The following AGBL1 variants were observed in gnomAD, a reference collection of about 807,000 sequenced individuals.
AGBL1 encodes the protein cytosolic carboxypeptidase 4.
AGBL1 carries 130 observed loss-of-function variants against 118.9 expected under a neutral mutation model. The ratio of observed to expected loss-of-function variants is 1.09; its 90% CI spans 0.95 to 1.26. The LOEUF is 1.26. Ranked by LOEUF, AGBL1 falls within the 50% of genes most tolerant of loss-of-function variation. The pLI is 0.00. For synonymous variants in AGBL1, 555 were observed against 478.9 expected, an observed-to-expected ratio of 1.16 and a Z score of -2.08; for missense variants, 1,584 against 1,298.1, an observed-to-expected ratio of 1.22 and a Z score of -3.38.
intron 17 of AGBL1, among the ~76,000 whole-genome samples, chr15:86,360,798 T>G (rs555788809): frequency 1.2e-4 from 19 of 152,144 alleles, no homozygotes; most frequent in South Asian, 2.1e-4. Flanking sequence ...TTTATCAATT[T>G]TGTTGGTATA....
In AGBL1 at chr15:86,979,023, G is replaced by A. The variant is rs185939779; in HGVS notation, c.3222-8964G>A. Among the ~76,000 whole-genome samples the A allele has an allele frequency of 2.4e-3, 363 of 152,246 alleles. 5 individuals carry two copies. The highest frequency in any genetic ancestry group is 7.5e-4 in the Non-Finnish European group (51 of 68,014). On this transcript the variant is annotated intron_variant, in intron 23 of 24. Coordinates refer to the AGBL1 transcript ENST00000441037. The stretch of plus-strand genomic sequence containing the variant: ...CATTCTGGAACTGGTGAAGGCACAG[G>A]CTTCAGAAAACCTGTATCCTATTCA...
chr15:86,365,004 TATATACACACAC>T (rs2080864676), intron 17 of AGBL1, among the ~76,000 whole-genome samples: 1 of 137,764 alleles, frequency 7.3e-6, no homozygotes, highest in African/African-American at 2.9e-5. Flanking sequence ...CACACATATA[TATATACACACAC>T]ATATATATAT....
At chr15:86,253,709 AT>A (rs2078852791) in intron 7 of AGBL1, among the ~76,000 whole-genome samples, 1 of 152,160 alleles carries the variant, frequency 6.6e-6, no homozygotes, top group Non-Finnish European at 1.5e-5. Context: ...TATGTGTTTC[AT>A]TTTTTTATTT....
At chr15:86,637,828 A>G (rs1271615590) in intron 21 of AGBL1, among the ~76,000 whole-genome samples, 1 of 152,186 alleles carries the variant, frequency 6.6e-6, no homozygotes, top group Non-Finnish European at 1.5e-5. Context: ...TTGTCATGAG[A>G]CTGTAAGTTC....
intron 19 of AGBL1, among the ~76,000 whole-genome samples, chr15:86,526,575 C>T (rs111444685): frequency 0.039 from 3,097 of 79,272 alleles, 119 homozygotes; most frequent in African/African-American, 0.16. Flanking sequence ...TATATATATA[C>T]ACACAGAGTA....
At chr15:86,831,466 A>G (rs970499376) in intron 22 of AGBL1, among the ~76,000 whole-genome samples, 2 of 152,348 alleles carry the variant, frequency 1.3e-5, no homozygotes, top group East Asian at 3.9e-4. Context: ...GTGTACAGGT[A>G]TTGGGTAAAT....
chr15:86,228,588 C>T (rs1032870765), intron 6 of AGBL1, among the ~76,000 whole-genome samples: 8 of 152,114 alleles, frequency 5.3e-5, no homozygotes, highest in South Asian at 4.1e-4. Context: ...TAGTGACAGG[C>T]GGAGGTCATC....
chr15:86,625,113 T>C (rs1181695163), intron 21 of AGBL1, among the ~76,000 whole-genome samples: 2 of 152,154 alleles, frequency 1.3e-5, no homozygotes, highest in Admixed American at 6.5e-5. Flanking sequence ...ATCTGCATCA[T>C]TTATTTGGAG....
At chr15:86,927,358 G>A (rs555315116) in intron 23 of AGBL1, among the ~76,000 whole-genome samples, 26 of 151,922 alleles carry the variant, frequency 1.7e-4, no homozygotes, top group East Asian at 3.9e-4. Context: ...GGAGGCTGAG[G>A]TGGGAGGATC....
rs1453376951 is a variant in AGBL1, at chr15:86,462,363, T to C, written c.2556-60447T>C. Among the ~76,000 whole-genome samples, 5 of 152,294 alleles carry C rather than the reference T, an allele frequency of 3.3e-5. No homozygotes were observed. In the East Asian group the frequency reaches 9.6e-4, roughly 29 times the overall value. On this transcript the variant is annotated intron_variant, in intron 18 of 22. Transcript: ENST00000614907. ...GCCCAAGCTCTCTCCTTTATTTAAG[T>C]TGTTCGCTGACTCCTGCTGGGAGAC...
At chr15:86,202,546 C>A (rs935463206) in intron 5 of AGBL1, among the ~76,000 whole-genome samples, 1 of 152,172 alleles carries the variant, frequency 6.6e-6, no homozygotes, top group Admixed American at 6.5e-5. Context: ...GAATAAGGAC[C>A]TTGACATTGC....
At chr15:86,435,874 G>A (rs916159004) in intron 18 of AGBL1, among the ~76,000 whole-genome samples, 1 of 152,102 alleles carries the variant, frequency 6.6e-6, no homozygotes, top group East Asian at 1.9e-4. Flanking sequence ...TTCAGCTATT[G>A]TAATTCTAGT....
chr15:86,099,158 A>G (rs1261267589), intron 1 of AGBL1, among the ~76,000 whole-genome samples: 2 of 152,206 alleles, frequency 1.3e-5, no homozygotes, highest in Non-Finnish European at 2.9e-5. Context: ...CATTCTGATA[A>G]TGCACCTGAA....
At chr15:86,131,441 TA>T (rs1334647363) in intron 1 of AGBL1, among the ~76,000 whole-genome samples, 2 of 152,202 alleles carry the variant, frequency 1.3e-5, no homozygotes, top group African/African-American at 4.8e-5. Context: ...TACAATGTCC[TA>T]TTTTTTTTAA....
chr15:86,704,404 T>C (rs914102100), intron 22 of AGBL1, among the ~76,000 whole-genome samples: 3 of 152,152 alleles, frequency 2.0e-5, no homozygotes, highest in African/African-American at 7.2e-5. Context: ...AAAGGTCTAA[T>C]ATCCAGAATC....
intron 22 of AGBL1, among the ~76,000 whole-genome samples, chr15:86,846,336 G>A (rs941469902): frequency 2.0e-5 from 3 of 152,036 alleles, no homozygotes; most frequent in African/African-American, 4.8e-5. Flanking sequence ...TCATTTCACT[G>A]TTTTGACTGC....
At chr15:86,604,601 C>T (rs971259507) in intron 21 of AGBL1, among the ~76,000 whole-genome samples, 1 of 152,102 alleles carries the variant, frequency 6.6e-6, no homozygotes, top group South Asian at 2.1e-4. Context: ...TGTGCCTTAC[C>T]TTTTAATAAT....
intron 19 of AGBL1, among the ~76,000 whole-genome samples, chr15:86,523,770 C>T (rs912766707): frequency 1.3e-5 from 2 of 152,188 alleles, no homozygotes; most frequent in Admixed American, 1.3e-4. Flanking sequence ...TTTTCCCAAG[C>T]CTCTAGTACT....
chr15:86,289,920 T>C (rs1418986498), intron 16 of AGBL1, among the ~76,000 whole-genome samples: 1 of 152,254 alleles, frequency 6.6e-6, no homozygotes, highest in East Asian at 1.9e-4. Flanking sequence ...TTATTCTGCC[T>C]ATCACACCAA....
Sources: gnomAD v4.1 joint callset for allele counts (sites outside exome capture counted in the v4.1 genomes callset) on GRCh38, gnomAD v4.1.1 for gene constraint, MANE v1.5 for transcripts, NCBI Gene and HGNC (gene_info 2026-07-23, HGNC 2026-07-21) for gene names.